The following TECPR2 variants were observed in gnomAD, a reference collection of about 807,000 sequenced individuals.
TECPR2 encodes the protein tectonin beta-propeller repeat-containing protein 2.
A neutral mutation model predicts 138.1 loss-of-function variants in TECPR2; 65 were observed. The ratio of observed to expected loss-of-function variants is 0.47; its 90% CI spans 0.39 to 0.58. The LOEUF (loss-of-function observed/expected upper bound fraction) is 0.58. Among genes scored for constraint, TECPR2 ranks in the 20% least tolerant of loss-of-function variants. The pLI, the probability that TECPR2 is intolerant of heterozygous loss-of-function variation, is 0.00. For missense variants in TECPR2, 1,553 were observed against 1,824.5 expected, an observed-to-expected ratio of 0.85 and a Z score of 2.71; for synonymous variants, 746 against 749.8, an observed-to-expected ratio of 0.99 and a Z score of 0.08.
intron 17 of TECPR2, among the ~76,000 whole-genome samples, chr14:102,481,657 G>A (rs2139786952): frequency 6.6e-6 from 1 of 152,276 alleles, no homozygotes; most frequent in Non-Finnish European, 1.5e-5. Flanking sequence ...ACATGTCAGT[G>A]GGTTCTATAA....
In TECPR2 at chr14:102,452,527, G is replaced by T; in HGVS notation, c.3540G>T (p.Ala1180=). 1 of 1,611,960 alleles carries T rather than the reference G, an allele frequency of 6.2e-7. No individual in the cohort carries two copies. Among genetic ancestry groups the T allele is most frequent in the African/African-American group, 1.3e-5 (1 of 75,040 alleles). Residue 1180 remains alanine, a synonymous_variant, in exon 16 of 20, where the codon GCG becomes GCT. Coordinates refer to ENST00000359520, the MANE Select transcript of TECPR2 (RefSeq NM_014844.5). ...EMRAYAACQD[A]LWALDSLGQV... Reference sequence around the variant, plus strand: ...GCGCCTATGCCGCCTGCCAGGATGCGCTGTGGGCGCTGGACAGCCTCGGCC... The same window carrying T: ...GCGCCTATGCCGCCTGCCAGGATGCTCTGTGGGCGCTGGACAGCCTCGGCC...
rs2139730932 is a variant in TECPR2 at position 102,434,581 on chromosome 14, T to C, written c.1764T>C (p.Asp588=). The C allele has an allele frequency of 1.9e-6, 3 of 1,560,516 alleles. No individual in the cohort carries two copies. In the South Asian group the frequency reaches 3.6e-5, roughly 19 times the overall value. Reference sequence around the variant, plus strand: ...AGCTGCTCAATGGAGCGAGGGAAGATGTGGGAGGCAGTGATGTCACGGGAC... The same window carrying C: ...AGCTGCTCAATGGAGCGAGGGAAGACGTGGGAGGCAGTGATGTCACGGGAC... ...GRELLNGARE[D]VGGSDVTGLG... The change falls in exon 9 of 20, where the codon GAT becomes GAC. Residue 588 remains aspartate (D), a synonymous_variant. Coordinates refer to ENST00000359520, the MANE Select transcript of TECPR2 (RefSeq NM_014844.5).
chr14:102,498,022 C>CGCCCAAGCTCCCAACTCCATCTGT, intron 19 of TECPR2, 81 bp from the exon 20 acceptor site: 1 of 1,510,190 alleles, frequency 6.6e-7, no homozygotes, highest in Non-Finnish European at 8.9e-7. Context: ...CCCAGACCTG[C>CGCCCAAGCTCCCAACTCCATCTGT]GCCCAAGCTC....
chr14:102,365,605 A>G (rs1309402476), intron 1 of TECPR2, among the ~76,000 whole-genome samples: 1 of 152,236 alleles, frequency 6.6e-6, no homozygotes, highest in East Asian at 1.9e-4. Context: ...AGGCTAAGTG[A>G]AAGCAACCAG....
At chr14:102,455,642 G>A (rs941362814) in intron 16 of TECPR2, among the ~76,000 whole-genome samples, 1 of 150,674 alleles carries the variant, frequency 6.6e-6, no homozygotes, top group African/African-American at 2.4e-5. Flanking sequence ...ACGGAGTTTC[G>A]CTCTGTCGCC....
At chr14:102,445,764 G>T in intron 12 of TECPR2, 42 bp from the exon 13 acceptor site, 1 of 1,598,802 alleles carries the variant, frequency 6.3e-7, no homozygotes. Context: ...TGGGCACTCT[G>T]CCTATGGGTG....
chr14:102,465,201 G>A lies in TECPR2; in HGVS notation c.3701G>A (p.Arg1234Lys). The A allele has an allele frequency of 6.2e-7, 1 of 1,614,224 alleles. No homozygotes were observed. The highest frequency in any genetic ancestry group is 8.5e-7 in the Non-Finnish European group (1 of 1,180,042). Residue 1234 changes from arginine (R) to lysine (K), a missense_variant, in exon 17 of 20, where the codon AGG becomes AAG. Arg to Lys is a conservative substitution (Grantham distance 26). Coordinates refer to ENST00000359520, the MANE Select transcript of TECPR2 (RefSeq NM_014844.5). ...CAGCACATCTGGGCCTGTGATTCCA[G>A]GGGTGGAGTTTACTTCCGTGTAGGG... ...GNQHIWACDS[R>K]GGVYFRVGTQ...
intron 6 of TECPR2, among the ~76,000 whole-genome samples, chr14:102,427,000 G>T (rs570797177): frequency 3.8e-4 from 58 of 152,284 alleles, no homozygotes; most frequent in African/African-American, 1.2e-3. Flanking sequence ...GGCCCGGGGT[G>T]GGGGGCAGAA....
intron 17 of TECPR2, among the ~76,000 whole-genome samples, chr14:102,475,306 G>A (rs917028006): frequency 1.1e-4 from 17 of 152,244 alleles, no homozygotes; most frequent in Non-Finnish European, 2.1e-4. Flanking sequence ...CCAGGGTGCA[G>A]AAAGGGGCTG....
chr14:102,385,575 G>A (rs1887974454), intron 2 of TECPR2, among the ~76,000 whole-genome samples: 1 of 152,104 alleles, frequency 6.6e-6, no homozygotes, highest in African/African-American at 2.4e-5. Flanking sequence ...CAGAGATTGA[G>A]GGAAGCTGGT....
At chr14:102,378,356 C>G (rs1469069514) in intron 2 of TECPR2, among the ~76,000 whole-genome samples, 1 of 152,128 alleles carries the variant, frequency 6.6e-6, no homozygotes, top group African/African-American at 2.4e-5. Context: ...ACAGCCCTTT[C>G]TATGTGTCAG....
chr14:102,457,822 A>G (rs917683293), intron 16 of TECPR2, among the ~76,000 whole-genome samples: 2 of 148,596 alleles, frequency 1.3e-5, no homozygotes, highest in East Asian at 2.0e-4. Context: ...GCCTCCCCCA[A>G]TTGTGCTCTT....
At chr14:102,439,259 T>C (rs1266443528) in intron 10 of TECPR2, among the ~76,000 whole-genome samples, 8 of 152,130 alleles carry the variant, frequency 5.3e-5, no homozygotes, top group Non-Finnish European at 1.2e-4. Flanking sequence ...TGTCAGGACA[T>C]TGGAATAGAA....
intron 17 of TECPR2, among the ~76,000 whole-genome samples, chr14:102,478,485 A>G (rs971340351): frequency 6.6e-6 from 1 of 151,798 alleles, no homozygotes; most frequent in Non-Finnish European, 1.5e-5. Flanking sequence ...GTTCAAGACC[A>G]GCCTGGGTAT....
At chr14:102,363,566 TTGG>T (rs924989536) in intron 1 of TECPR2, among the ~76,000 whole-genome samples, 5 of 152,238 alleles carry the variant, frequency 3.3e-5, no homozygotes, top group African/African-American at 4.8e-5. Context: ...ACTCATCCAG[TTGG>T]TGTTCAGTGT....
At position 102,376,894 on chromosome 14, in the gene TECPR2, A is replaced by T. The variant is rs752289754; in HGVS notation, c.173A>T (p.Tyr58Phe). 9.9e-6 allele frequency: 16 copies of T among 1,614,020 alleles called. No individual in the cohort carries two copies. The highest frequency in any genetic ancestry group is 1.6e-4 in the Middle Eastern group (1 of 6,084). The change falls in exon 2 of 20, where the codon TAT becomes TTT. Residue 58 changes from tyrosine to phenylalanine, a missense_variant. Tyr to Phe is a conservative substitution (Grantham distance 22, BLOSUM62 3). Coordinates refer to ENST00000359520, the MANE Select transcript of TECPR2 (RefSeq NM_014844.5). ...IAVGSSIGMLYLYCRHLNQMR... is the reference protein window; with the variant it reads ...IAVGSSIGMLFLYCRHLNQMR... ...GTGGGCAGCAGCATCGGCATGCTCT[A>T]TCTGTACTGCCGGCACCTCAACCAG...
At chr14:102,386,454 A>T (rs1888007886) in intron 2 of TECPR2, among the ~76,000 whole-genome samples, 1 of 152,172 alleles carries the variant, frequency 6.6e-6, no homozygotes, top group Non-Finnish European at 1.5e-5. Flanking sequence ...TGGGCGACAG[A>T]GCAAGACTCT....
chr14:102,380,621 C>T (rs1001654973), intron 2 of TECPR2, among the ~76,000 whole-genome samples: 3 of 152,210 alleles, frequency 2.0e-5, no homozygotes, highest in African/African-American at 7.2e-5. Context: ...GGTGAGGACA[C>T]AGCCAAACCA....
chr14:102,486,492 A>C (rs3783379), intron 17 of TECPR2, among the ~76,000 whole-genome samples: 32,948 of 152,130 alleles, frequency 0.22, 4,276 homozygotes, highest in Middle Eastern at 0.31. Context: ...GCCTTAAATA[A>C]AATCTTGTAC....
Sources: allele counts gnomAD v4.1 joint callset (sites outside exome capture counted in the v4.1 genomes callset), GRCh38; gene constraint gnomAD v4.1.1; transcripts MANE v1.5; gene names NCBI Gene and HGNC (gene_info 2026-07-23, HGNC 2026-07-21).